The following YAF2 variants were observed in gnomAD, a reference collection of about 807,000 sequenced individuals.
YAF2 encodes the protein YY1-associated factor 2.
In YAF2, 7 loss-of-function variants were observed where a neutral mutation model predicts 20.1. The ratio of observed to expected loss-of-function variants is 0.35; its 90% CI spans 0.20 to 0.65. The LOEUF (loss-of-function observed/expected upper bound fraction) is 0.65. Among genes scored for constraint, YAF2 ranks in the 30% least tolerant of loss-of-function variants. The pLI is 0.69. For missense variants in YAF2, 151 were observed against 219.2 expected (o/e 0.69, Z 1.96); for synonymous variants, 74 against 76.0 (o/e 0.97, Z 0.14).
intron 2 of YAF2, among the ~76,000 whole-genome samples, chr12:42,223,167 G>C (rs1408608865): frequency 1.3e-5 from 2 of 152,056 alleles, no homozygotes; most frequent in Admixed American, 6.5e-5. Flanking sequence ...TTTGAAAGAG[G>C]TTTATAAAAC....
chr12:42,223,004 C>T lies in YAF2; in HGVS notation c.152+14595G>A, dbSNP rs4768014. ...AAACTCAGTAAAAAGCTGTGTCTTT[C>T]ATTATCTGTCACTTGTGCAGTGCTT... On this transcript the variant is annotated intron_variant, in intron 2 of 3. Coordinates refer to ENST00000534854, the MANE Select transcript of YAF2 (RefSeq NM_005748.6). 9.9e-4 allele frequency among the ~76,000 whole-genome samples: 148 copies of T among 149,946 alleles called. 1 individual carries two copies. The highest frequency in any genetic ancestry group is 2.3e-3 in the Admixed American group (34 of 14,970).
At chr12:42,175,891 A>T (rs993768810) in intron 2 of YAF2, among the ~76,000 whole-genome samples, 1 of 152,006 alleles carries the variant, frequency 6.6e-6, no homozygotes, top group African/African-American at 2.4e-5. Flanking sequence ...AGATATTAAA[A>T]TTTTATCAGC....
intron 2 of YAF2, among the ~76,000 whole-genome samples, chr12:42,178,619 ATTTTTT>A (rs2137035418): frequency 6.6e-6 from 1 of 152,094 alleles, no homozygotes; most frequent in Non-Finnish European, 1.5e-5. Context: ...TTTCATTTTT[ATTTTTT>A]AAAATAAAAA....
At chr12:42,188,197 C>T (rs984093003) in intron 2 of YAF2, among the ~76,000 whole-genome samples, 7 of 150,844 alleles carry the variant, frequency 4.6e-5, no homozygotes, top group African/African-American at 7.3e-5. Context: ...GTTTCTGGCA[C>T]GGGAAAGGGG....
intron 2 of YAF2, among the ~76,000 whole-genome samples, chr12:42,187,398 C>T (rs1000798799): frequency 6.6e-6 from 1 of 152,102 alleles, no homozygotes; most frequent in African/African-American, 2.4e-5. Flanking sequence ...GGCCTCAAGC[C>T]ATCCTCCTGC....
chr12:42,198,810 G>A (rs886487955), intron 2 of YAF2, among the ~76,000 whole-genome samples: 1 of 152,076 alleles, frequency 6.6e-6, no homozygotes, highest in African/African-American at 2.4e-5. Context: ...TTATTGAAGA[G>A]TAACAGCAGA....
chr12:42,212,035 A>G (rs1592014733), intron 2 of YAF2, among the ~76,000 whole-genome samples: 1 of 131,128 alleles, frequency 7.6e-6, no homozygotes, highest in Non-Finnish European at 1.6e-5. Context: ...ATTTCATCTC[A>G]AAAAAAAAAA....
At chr12:42,234,305 T>G (rs2068076705) in intron 2 of YAF2, 1 of 985,310 alleles carries the variant, frequency 1.0e-6, no homozygotes. Context: ...TTTGTTTCCT[T>G]TTAAAAAATT....
chr12:42,220,959 C>G (rs2067494550), intron 2 of YAF2, among the ~76,000 whole-genome samples: 1 of 151,866 alleles, frequency 6.6e-6, no homozygotes, highest in African/African-American at 2.4e-5. Flanking sequence ...ACTATGATAT[C>G]AAAGAAGTGA....
intron 2 of YAF2, chr12:42,235,892 T>C: frequency 6.5e-7 from 1 of 1,536,120 alleles, no homozygotes; most frequent in East Asian, 2.4e-5. Context: ...ATTCAGCCTG[T>C]TTCTTCTCTT....
intron 2 of YAF2, among the ~76,000 whole-genome samples, chr12:42,200,436 C>T (rs750478157): frequency 4.6e-5 from 7 of 152,194 alleles, no homozygotes; most frequent in Admixed American, 1.3e-4. Flanking sequence ...TGCTCCACTA[C>T]ATCAGAACCA....
At chr12:42,175,772 T>TAAAAAAAAAAAAAAAAAAAAA (rs1277338221) in intron 2 of YAF2, among the ~76,000 whole-genome samples, 41 of 88,822 alleles carry the variant, frequency 4.6e-4, no homozygotes, top group Non-Finnish European at 7.8e-4. Context: ...AAAAAAAAAT[T>TAAAAAAAAAAAAAAAAAAAAA]AAAACAGGAA....
At position 42,159,188 on chromosome 12, in the gene YAF2, C is replaced by T. The variant is rs2065753330; in HGVS notation, c.*1401G>A. ...ATTACCACATGAAACCACCAAATAT[C>T]ACAACTGTTAGGGTCTACAGTTTTA... On this transcript the variant is annotated 3_prime_UTR_variant, in exon 4 of 4. Coordinates refer to ENST00000534854, the MANE Select transcript of YAF2 (RefSeq NM_005748.6). The T allele has an allele frequency of 6.6e-6, 1 of 152,082 alleles. No homozygotes were observed. Among genetic ancestry groups the T allele is most frequent in the South Asian group, 2.1e-4 (1 of 4,832 alleles). The allele number at this position is 152,082 out of a possible 1,614,324, so 9.4% of individuals were successfully genotyped here.
At chr12:42,228,302 G>GT (rs1284175004) in intron 2 of YAF2, among the ~76,000 whole-genome samples, 1 of 71,998 alleles carries the variant, frequency 1.4e-5, no homozygotes, top group Non-Finnish European at 2.6e-5. Flanking sequence ...AGGTGGGGGG[G>GT]GGTCAGCCCC....
intron 2 of YAF2, among the ~76,000 whole-genome samples, chr12:42,198,711 G>A (rs965896246): frequency 6.6e-6 from 1 of 152,120 alleles, no homozygotes; most frequent in Non-Finnish European, 1.5e-5. Flanking sequence ...AATGGAGAGC[G>A]GGGTTTCAGA....
intron 1 of YAF2, 63 bp downstream of exon 1, chr12:42,238,092 G>T (rs1227245701): frequency 7.5e-7 from 1 of 1,333,526 alleles, no homozygotes; most frequent in Non-Finnish European, 9.7e-7. Context: ...GCGGCCACCC[G>T]AAGCCCTGCA....
At chr12:42,177,425 G>A (rs1232918064) in intron 2 of YAF2, among the ~76,000 whole-genome samples, 1 of 152,058 alleles carries the variant, frequency 6.6e-6, no homozygotes, top group Non-Finnish European at 1.5e-5. Context: ...GCTTACAGAC[G>A]GCCATGTTCT....
intron 2 of YAF2, among the ~76,000 whole-genome samples, chr12:42,204,642 T>C (rs1051776281): frequency 1.3e-5 from 2 of 152,074 alleles, no homozygotes; most frequent in African/African-American, 4.8e-5. Context: ...TTCATAATAA[T>C]CAAAAAGTGC....
chr12:42,191,112 C>G (rs1342573603), intron 2 of YAF2, among the ~76,000 whole-genome samples: 2 of 152,028 alleles, frequency 1.3e-5, no homozygotes, highest in Non-Finnish European at 2.9e-5. Flanking sequence ...TTCTTTATCA[C>G]TTTGATGCAG....
Sources: allele counts gnomAD v4.1 joint callset (sites outside exome capture counted in the v4.1 genomes callset), GRCh38; gene constraint gnomAD v4.1.1; transcripts MANE v1.5; gene names NCBI Gene and HGNC (gene_info 2026-07-23, HGNC 2026-07-21).